The following PCYOX1L variants were observed in gnomAD, a reference collection of about 807,000 sequenced individuals.
PCYOX1L encodes prenylcysteine oxidase 1-like.
In PCYOX1L, 40 loss-of-function variants were observed where a neutral mutation model predicts 44.1. That is an observed-to-expected ratio of 0.91 (90% confidence interval 0.70 to 1.18). The LOEUF is 1.18. Among genes scored for constraint, PCYOX1L ranks in the 50% most tolerant of loss-of-function variants. PCYOX1L has a pLI of 0.00. For synonymous variants in PCYOX1L, 266 were observed against 282.8 expected (o/e 0.94, Z 0.60); for missense variants, 605 against 653.3 (o/e 0.93, Z 0.81).
At position 149,358,211 on chromosome 5, in the gene PCYOX1L, T is replaced by C. The variant is rs565727135; in HGVS notation, c.88+55T>C. On this transcript the variant is annotated intron_variant, in intron 1 of 5. Coordinates refer to ENST00000274569, the MANE Select transcript of PCYOX1L (RefSeq NM_024028.4). ...CTGGGGAGGGCCGGCGGGTAAAGGG[T>C]TCTCAGTTCTCAGCTAGGTGGGGTA... 1.4e-5 allele frequency: 19 copies of C among 1,372,050 alleles called. No homozygotes were observed. In the African/African-American group the frequency reaches 2.9e-4, roughly 21 times the overall value. The allele number at this position is 1,372,050 out of a possible 1,614,324, so 85.0% of individuals were successfully genotyped here. A position where few individuals can be genotyped will look rare whatever the true frequency, so the allele number is the denominator to read the frequency against.
chr5:149,365,851 C>T, intron 3 of PCYOX1L, 91 bp from the exon 4 acceptor site: 1 of 1,204,274 alleles, frequency 8.3e-7, no homozygotes, highest in South Asian at 1.3e-5. Context: ...TGATGGGTTC[C>T]TGGTGGGCCT....
At chr5:149,363,101 A>G in intron 2 of PCYOX1L, 3 of 622,806 alleles carry the variant, frequency 4.8e-6, no homozygotes, top group South Asian at 3.0e-5. Flanking sequence ...GCCTCTAAAT[A>G]ATCGTGATTA....
Position 149,369,060 on chromosome 5 carries a change from C to T in PCYOX1L, c.*406C>T, listed in dbSNP as rs1357911220. ...TCCCACAATGGACAATCAATTGAGGCAACCTACAAGAAAACATTTACAACC... is the reference window on the plus strand; with the variant it reads ...TCCCACAATGGACAATCAATTGAGGTAACCTACAAGAAAACATTTACAACC... On this transcript the variant is annotated 3_prime_UTR_variant, in exon 6 of 6. Transcript: ENST00000274569. The T allele has an allele frequency of 6.4e-6, 1 of 156,802 alleles. No individual in the cohort carries two copies. Among genetic ancestry groups the T allele is most frequent in the Non-Finnish European group, 1.4e-5 (1 of 71,492 alleles). The allele number at this position is 156,802 out of a possible 1,614,324, so 9.7% of individuals were successfully genotyped here.
intron 3 of PCYOX1L, 112 bp from the exon 4 acceptor site, chr5:149,365,830 T>C: frequency 1.1e-6 from 1 of 936,012 alleles, no homozygotes; most frequent in East Asian, 2.5e-5. Flanking sequence ...CACCACTCCA[T>C]GTAGAGGAAG....
Position 149,362,664 on chromosome 5 carries a change from C to T in PCYOX1L, c.116C>T (p.Ser39Phe). The change falls in exon 2 of 6, where the codon TCT becomes TTT. Residue 39 changes from serine to phenylalanine, a missense_variant. Transcript: ENST00000274569. ...GTGGTTGGGGCTGGGATTGGGGGCT[C>T]TGCTGTGGCCCATTTTCTCCAGCAG... ...IAVVGAGIGG[S>F]AVAHFLQQHF... is the part of the protein sequence containing the mutation. 4 of 1,614,212 alleles carry T rather than the reference C, an allele frequency of 2.5e-6. No homozygotes were observed. In the South Asian group the frequency reaches 4.4e-5, roughly 18 times the overall value.
At chr5:149,363,317 G>C (rs1758075181) in intron 2 of PCYOX1L, 1 of 335,306 alleles carries the variant, frequency 3.0e-6, no homozygotes, top group Admixed American at 3.9e-5. Flanking sequence ...TACACGTTCT[G>C]TTTGATGCAG....
intron 2 of PCYOX1L, 69 bp from the exon 3 acceptor site, chr5:149,363,967 C>A: frequency 1.3e-6 from 2 of 1,531,958 alleles, no homozygotes; most frequent in Non-Finnish European, 1.8e-6. Flanking sequence ...TTTAATGGAC[C>A]AGTCCATTTG....
Position 149,368,554 on chromosome 5 carries a change from C to G in PCYOX1L, c.1385C>G (p.Ala462Gly). The change falls in exon 6 of 6, where the codon GCT becomes GGT. Residue 462 changes from alanine to glycine, a missense_variant. Ala to Gly is a moderately conservative substitution (Grantham distance 60, BLOSUM62 0). Coordinates refer to ENST00000274569, the MANE Select transcript of PCYOX1L (RefSeq NM_024028.4). ...AGCTCCGTGGAGGTGATGGCCGTGG[C>G]TGCCAAGAATGTGGCCTTGCTGGCT... ...AASSVEVMAV[A>G]AKNVALLAYN... is the part of the protein sequence containing the mutation. 6 of 1,599,020 alleles carry G rather than the reference C, an allele frequency of 3.8e-6. No individual in the cohort carries two copies. The highest frequency in any genetic ancestry group is 5.1e-6 in the Non-Finnish European group (6 of 1,174,198).
chr5:149,363,394 A>C (rs1302040765), intron 2 of PCYOX1L: 1 of 282,112 alleles, frequency 3.5e-6, no homozygotes, highest in Middle Eastern at 1.3e-3. Flanking sequence ...ATAGATACCA[A>C]GTTATTCACT....
intron 3 of PCYOX1L, 191 bp downstream of exon 3, chr5:149,364,401 A>G (rs1264818821): frequency 1.5e-5 from 9 of 615,064 alleles, no homozygotes; most frequent in Non-Finnish European, 2.2e-5. Flanking sequence ...TGGTCTCCCT[A>G]GTATTGTCAC....
In PCYOX1L at chr5:149,362,710, G is replaced by C; in HGVS notation, c.162G>C (p.Gln54His). 6.2e-7 allele frequency: 1 copy of C among 1,614,214 alleles called. No homozygotes were observed. The highest frequency in any genetic ancestry group is 1.1e-5 in the South Asian group (1 of 91,090). The stretch of plus-strand genomic sequence containing the variant: ...AGCAGCACTTTGGACCTCGGGTGCA[G>C]ATCGACGTGTACGAGAAGGGAACCG... ...FLQQHFGPRV[Q>H]IDVYEKGTVG... Residue 54 changes from glutamine (Q) to histidine (H), a missense_variant, in exon 2 of 6, where the codon CAG becomes CAC. Gln to His is a conservative substitution (Grantham distance 24). Coordinates refer to ENST00000274569, the MANE Select transcript of PCYOX1L (RefSeq NM_024028.4).
intron 3 of PCYOX1L, chr5:149,364,732 T>C (rs1042334912): frequency 6.5e-6 from 1 of 154,508 alleles, no homozygotes; most frequent in African/African-American, 2.4e-5. Flanking sequence ...GAAACACTTC[T>C]GCAGGGCAGA....
chr5:149,365,751 C>A, intron 3 of PCYOX1L, 191 bp from the exon 4 acceptor site: 4 of 608,512 alleles, frequency 6.6e-6, no homozygotes, highest in Non-Finnish European at 1.2e-5. Context: ...CCTTCACACT[C>A]CCTTTAGGTG....
At chr5:149,366,356 C>G (rs534706394) in intron 4 of PCYOX1L, among the ~76,000 whole-genome samples, 8 of 152,366 alleles carry the variant, frequency 5.3e-5, no homozygotes, top group African/African-American at 1.9e-4. Context: ...ACAGTGAAAG[C>G]AAGGCTCAGA....
chr5:149,367,930 C>G (rs1251356323), intron 5 of PCYOX1L, 63 bp from the exon 6 acceptor site: 2 of 1,494,292 alleles, frequency 1.3e-6, no homozygotes, highest in Non-Finnish European at 1.8e-6. Flanking sequence ...TGCTGGACCC[C>G]AGTAGGGAGT....
intron 1 of PCYOX1L, among the ~76,000 whole-genome samples, chr5:149,358,657 T>C (rs1339283570): frequency 1.3e-5 from 2 of 152,174 alleles, no homozygotes; most frequent in Non-Finnish European, 2.9e-5. Context: ...CTGGGAGGGC[T>C]TCCTGGAAGT....
Position 149,366,155 on chromosome 5 carries a change from T to A in PCYOX1L, c.682+2T>A, listed in dbSNP as rs750090059. 3 of 1,610,038 alleles carry A rather than the reference T, an allele frequency of 1.9e-6. No homozygotes were observed. Among genetic ancestry groups the A allele is most frequent in the Non-Finnish European group, 2.5e-6 (3 of 1,179,960 alleles). On this transcript the variant is annotated splice_donor_variant, in intron 4 of 5. Coordinates refer to ENST00000274569, the MANE Select transcript of PCYOX1L (RefSeq NM_024028.4). LOFTEE classifies it high-confidence loss of function. Reference sequence around the variant, plus strand: ...CAGCAGCGATGCCCGCCTTTGCAGGTAAGCGTCCAACCCTTGGCCTGCCCA... The same window carrying A: ...CAGCAGCGATGCCCGCCTTTGCAGGAAAGCGTCCAACCCTTGGCCTGCCCA...
chr5:149,368,490 G>A lies in PCYOX1L; in HGVS notation c.1321G>A (p.Asp441Asn). ...RPTLPRFALHDQLFYLNALEW... is the reference protein window; with the variant it reads ...RPTLPRFALHNQLFYLNALEW... Reference sequence around the variant, plus strand: ...CACGCTCCCGAGGTTTGCACTCCATGACCAGCTCTTCTACCTCAATGCCCT... The same window carrying A: ...CACGCTCCCGAGGTTTGCACTCCATAACCAGCTCTTCTACCTCAATGCCCT... The change falls in exon 6 of 6, where the codon GAC becomes AAC. Residue 441 changes from aspartate (D) to asparagine (N), a missense_variant. Physicochemically the swap from Asp to Asn is conservative, Grantham distance 23. Transcript: ENST00000274569. The A allele has an allele frequency of 6.2e-7, 1 of 1,612,772 alleles. No individual in the cohort carries two copies. The highest frequency in any genetic ancestry group is 8.5e-7 in the Non-Finnish European group (1 of 1,179,262).
rs1297821779 is a variant in PCYOX1L at position 149,369,243 on chromosome 5, A to C, written c.*589A>C. 6.6e-6 allele frequency: 1 copy of C among 152,210 alleles called. No homozygotes were observed. Among genetic ancestry groups the C allele is most frequent in the Non-Finnish European group, 1.5e-5 (1 of 68,056 alleles). 9.4% of individuals were successfully genotyped at this position (152,210 alleles called of 1,614,324 possible). A position where few individuals can be genotyped will look rare whatever the true frequency, so the allele number is the denominator to read the frequency against. ...ACATCACTGCATATTGGAGGAGATG[A>C]CTGTGGTAGGACCCAAGGAAGAGAT... is the stretch of plus-strand genomic sequence containing the variant. On this transcript the variant is annotated 3_prime_UTR_variant, in exon 6 of 6. Coordinates refer to ENST00000274569, the MANE Select transcript of PCYOX1L (RefSeq NM_024028.4).
Sources: allele counts gnomAD v4.1 joint callset (sites outside exome capture counted in the v4.1 genomes callset), GRCh38; gene constraint gnomAD v4.1.1; transcripts MANE v1.5; gene names NCBI Gene and HGNC (gene_info 2026-07-23, HGNC 2026-07-21).